FMNL2: variants seen among roughly 807,000 people sequenced by gnomAD.
FMNL2 encodes the protein formin-like protein 2.
In FMNL2, 51 loss-of-function variants were observed where a neutral mutation model predicts 130.2. That is an observed-to-expected ratio of 0.39 (90% CI 0.31 to 0.49). The LOEUF is 0.49. FMNL2 is among the 20% of genes least tolerant of loss of function. FMNL2 has a pLI of 0.85. For synonymous variants in FMNL2, 465 were observed against 467.1 expected, an observed-to-expected ratio of 1.00 and a Z score of 0.06; for missense variants, 977 against 1,316.2, an observed-to-expected ratio of 0.74 and a Z score of 3.99.
intron 1 of FMNL2, among the ~76,000 whole-genome samples, chr2:152,410,458 C>A (rs1686218455): frequency 6.6e-6 from 1 of 152,220 alleles, no homozygotes; most frequent in Non-Finnish European, 1.5e-5. Flanking sequence ...GAAGTCTGTT[C>A]ATGGTCAGAG....
chr2:152,375,135 T>A (rs2105874171), intron 1 of FMNL2, among the ~76,000 whole-genome samples: 1 of 152,384 alleles, frequency 6.6e-6, no homozygotes, highest in African/African-American at 2.4e-5. Context: ...CTTAGAGGAT[T>A]GAGTTTACTT....
In FMNL2 at chr2:152,449,924, C is replaced by A. The variant is rs77578699; in HGVS notation, c.118-72019C>A. Among the ~76,000 whole-genome samples, 1,210 of 152,258 alleles carry A rather than the reference C, an allele frequency of 7.9e-3. 13 individuals carry two copies. The highest frequency in any genetic ancestry group is 0.025 in the African/African-American group (1,022 of 41,544). ...TTATACATTCCATCCTACATAGAAACCTTTCCTCATTCAAACAGATTTCAA... is the reference window on the plus strand; with the variant it reads ...TTATACATTCCATCCTACATAGAAAACTTTCCTCATTCAAACAGATTTCAA... On this transcript the variant is annotated intron_variant, in intron 1 of 25. Transcript: ENST00000288670.
At chr2:152,506,753 C>A (rs556445222) in intron 1 of FMNL2, among the ~76,000 whole-genome samples, 92 of 152,292 alleles carry the variant, frequency 6.0e-4, no homozygotes, top group African/African-American at 2.0e-3. Flanking sequence ...CCTAACCATT[C>A]CATTTATTAA....
intron 9 of FMNL2, among the ~76,000 whole-genome samples, chr2:152,590,547 G>A (rs1252054139): frequency 6.6e-6 from 1 of 152,032 alleles, no homozygotes; most frequent in Non-Finnish European, 1.5e-5. Flanking sequence ...CTGGGAGGCA[G>A]AGGTTGCAGT....
intron 1 of FMNL2, among the ~76,000 whole-genome samples, chr2:152,503,728 A>G (rs1003563570): frequency 2.6e-5 from 4 of 152,122 alleles, no homozygotes; most frequent in African/African-American, 9.7e-5. Context: ...TAAGGAGGGA[A>G]CTGCAGAAAA....
At chr2:152,620,799 C>G (rs1699211213) in intron 15 of FMNL2, among the ~76,000 whole-genome samples, 1 of 152,142 alleles carries the variant, frequency 6.6e-6, no homozygotes, top group African/African-American at 2.4e-5. Context: ...CCAGAGTCAC[C>G]TAGAATAAAT....
intron 1 of FMNL2, among the ~76,000 whole-genome samples, chr2:152,459,524 A>G (rs536656237): frequency 1.3e-5 from 2 of 152,346 alleles, no homozygotes; most frequent in Admixed American, 1.3e-4. Flanking sequence ...CATATTAAGC[A>G]AAATGTTTTT....
chr2:152,386,778 G>A (rs1425928852), intron 1 of FMNL2, among the ~76,000 whole-genome samples: 3 of 152,104 alleles, frequency 2.0e-5, no homozygotes, highest in East Asian at 1.9e-4. Flanking sequence ...TTGGCATCCC[G>A]CCTCCCCATT....
chr2:152,560,036 G>GTAT (rs1406262646), intron 5 of FMNL2, among the ~76,000 whole-genome samples: 1 of 152,080 alleles, frequency 6.6e-6, no homozygotes, highest in Non-Finnish European at 1.5e-5. Flanking sequence ...TTTCCAATAT[G>GTAT]TATTATTGTT....
At chr2:152,425,660 G>A (rs1475025933) in intron 1 of FMNL2, among the ~76,000 whole-genome samples, 1 of 152,150 alleles carries the variant, frequency 6.6e-6, no homozygotes, top group Admixed American at 6.5e-5. Flanking sequence ...TTCTACAGTC[G>A]TGTTTATACC....
chr2:152,508,297 TTCTC>T (rs754261341), intron 1 of FMNL2, among the ~76,000 whole-genome samples: 3 of 152,026 alleles, frequency 2.0e-5, no homozygotes, highest in Non-Finnish European at 4.4e-5. Flanking sequence ...GCTAAGTAGT[TTCTC>T]AAGTTGAAAA....
At chr2:152,401,857 A>C (rs1461552951) in intron 1 of FMNL2, among the ~76,000 whole-genome samples, 1 of 151,952 alleles carries the variant, frequency 6.6e-6, no homozygotes. Flanking sequence ...CAGAGAAAAA[A>C]ACTGAACTAT....
intron 1 of FMNL2, among the ~76,000 whole-genome samples, 166 bp from the exon 2 acceptor site, chr2:152,521,777 G>A (rs1693104352): frequency 6.6e-6 from 1 of 152,136 alleles, no homozygotes; most frequent in African/African-American, 2.4e-5. Context: ...TAACCGATTT[G>A]ATGTTTAAGT....
chr2:152,623,537 ACT>A (rs1681520873), intron 15 of FMNL2, among the ~76,000 whole-genome samples: 3 of 152,036 alleles, frequency 2.0e-5, no homozygotes, highest in Non-Finnish European at 4.4e-5. Flanking sequence ...GGCCTTTGTA[ACT>A]CTGGAGGAAT....
intron 1 of FMNL2, among the ~76,000 whole-genome samples, chr2:152,518,399 A>T (rs750364704): frequency 6.6e-6 from 1 of 152,180 alleles, no homozygotes; most frequent in Non-Finnish European, 1.5e-5. Context: ...GCTACTTCTG[A>T]CAATAACTAA....
At chr2:152,386,585 A>C (rs1038410225) in intron 1 of FMNL2, among the ~76,000 whole-genome samples, 6 of 152,000 alleles carry the variant, frequency 3.9e-5, no homozygotes, top group Admixed American at 6.6e-5. Context: ...TTTTACTTTG[A>C]TTTTCATGCT....
chr2:152,574,434 C>CAAAAAAAAA (rs57776446), intron 6 of FMNL2, among the ~76,000 whole-genome samples: 1 of 106,960 alleles, frequency 9.3e-6, no homozygotes, highest in African/African-American at 3.7e-5. Context: ...GACTCTGTCT[C>CAAAAAAAAA]AAAAAAAAAA....
At chr2:152,399,728 T>G (rs2881335) in intron 1 of FMNL2, among the ~76,000 whole-genome samples, 4 of 152,074 alleles carry the variant, frequency 2.6e-5, no homozygotes, top group Non-Finnish European at 4.4e-5. Flanking sequence ...GGGCAGAATT[T>G]GTAAGGCTTT....
chr2:152,641,076 C>T (rs1320292208), intron 25 of FMNL2, among the ~76,000 whole-genome samples, 162 bp downstream of exon 25: 1 of 152,192 alleles, frequency 6.6e-6, no homozygotes, highest in African/African-American at 2.4e-5. Context: ...AGTCCATTTA[C>T]AGCAGCATGT....
Sources: gnomAD v4.1 joint callset for allele counts (sites outside exome capture counted in the v4.1 genomes callset) on GRCh38, gnomAD v4.1.1 for gene constraint, MANE v1.5 for transcripts, NCBI Gene and HGNC (gene_info 2026-07-23, HGNC 2026-07-21) for gene names.